The following GLB1 variants were observed in gnomAD, a reference collection of about 807,000 sequenced individuals.
The protein encoded by GLB1 is beta-galactosidase.
A neutral mutation model predicts 74.0 loss-of-function variants in GLB1; 56 were observed. That is an observed-to-expected ratio of 0.76 (90% CI 0.61 to 0.94). The LOEUF (loss-of-function observed/expected upper bound fraction) is 0.94, where lower values mean the gene tolerates loss of function less well. GLB1 is among the 40% of genes least tolerant of loss of function. The pLI is 0.00. For synonymous variants in GLB1, 323 were observed against 323.6 expected (o/e 1.00, Z 0.02); for missense variants, 787 against 845.5 (o/e 0.93, Z 0.86).
At chr3:33,055,278 G>A (rs1202800151) in intron 6 of GLB1, among the ~76,000 whole-genome samples, 1 of 152,094 alleles carries the variant, frequency 6.6e-6, no homozygotes, top group African/African-American at 2.4e-5. Flanking sequence ...TACAAATTAT[G>A]CTTAAAACAC....
At chr3:33,006,275 C>T (rs1696783948) in intron 15 of GLB1, among the ~76,000 whole-genome samples, 2 of 152,200 alleles carry the variant, frequency 1.3e-5, no homozygotes, top group African/African-American at 4.8e-5. Flanking sequence ...CCTGTCAGAT[C>T]GGCAGCAGCA....
intron 1 of GLB1, chr3:33,092,925 T>G (rs1268859715): frequency 6.2e-7 from 1 of 1,614,046 alleles, no homozygotes; most frequent in African/African-American, 1.3e-5. Context: ...TGGGCTGACA[T>G]ACACGAATGT....
At chr3:32,983,821 G>C in the GLB1 span, among the ~76,000 whole-genome samples, 2 of 152,004 alleles carry the variant, frequency 1.3e-5, no homozygotes, top group East Asian at 3.9e-4. Flanking sequence ...TGGGACTACA[G>C]ATGCACCACT....
downstream of GLB1, among the ~76,000 whole-genome samples, chr3:32,994,286 C>A (rs1341207888): frequency 6.6e-6 from 1 of 152,158 alleles, no homozygotes; most frequent in Non-Finnish European, 1.5e-5. Flanking sequence ...ATGGAACAAA[C>A]CTCACGGTAT....
At chr3:33,094,207 CTAG>C (rs1700905339) in intron 1 of GLB1, 1 of 1,583,008 alleles carries the variant, frequency 6.3e-7, no homozygotes, top group Non-Finnish European at 8.6e-7. Flanking sequence ...TTCTCTGCTC[CTAG>C]TAGGCTCCCC....
intron 11 of GLB1, among the ~76,000 whole-genome samples, chr3:33,022,917 G>GA (rs1559386556): frequency 1.3e-5 from 2 of 151,810 alleles, no homozygotes; most frequent in Admixed American, 6.6e-5. Context: ...CAGCATCAAG[G>GA]AAAAAAATCT....
At chr3:33,016,874 G>A in intron 13 of GLB1, 34 bp from the exon 14 acceptor site, 5 of 1,611,898 alleles carry the variant, frequency 3.1e-6, no homozygotes, top group Non-Finnish European at 4.2e-6. Context: ...CAATTGAATT[G>A]AGGGTAAGAA....
At chr3:32,985,104 C>CA in the GLB1 span, among the ~76,000 whole-genome samples, 9,758 of 61,556 alleles carry the variant, frequency 0.16, 796 homozygotes, top group African/African-American at 0.2. Context: ...AACTCTGTCT[C>CA]AAAAAAAAAA....
rs1559407941 is a variant in GLB1, at chr3:33,064,794, A to AAT, written c.552+668_552+669insAT. Among the ~76,000 whole-genome samples the AAT allele has an allele frequency of 1.3e-5, 2 of 151,432 alleles. 1 individual carries two copies. The highest frequency in any genetic ancestry group is 4.9e-5 in the African/African-American group (2 of 41,204). The stretch of plus-strand genomic sequence containing the variant: ...TCTCTCTCAAAAAAAAAAAAAAAAA[A>AAT]AAAAGAGCATCCATGGCATCCTTGG... On this transcript the variant is annotated intron_variant, in intron 5 of 15. Coordinates refer to ENST00000307363, the MANE Select transcript of GLB1 (RefSeq NM_000404.4).
chr3:32,973,308 A>G, the GLB1 span, among the ~76,000 whole-genome samples: 2 of 151,998 alleles, frequency 1.3e-5, no homozygotes, highest in East Asian at 1.9e-4. Context: ...GTGTGTGTGT[A>G]TATATATATT....
At chr3:32,972,727 T>C in the GLB1 span, among the ~76,000 whole-genome samples, 2 of 152,086 alleles carry the variant, frequency 1.3e-5, no homozygotes, top group Admixed American at 1.3e-4. Context: ...ACCTCTGTTA[T>C]AAAAAGCACC....
rs199960800 is a variant in GLB1, at chr3:33,000,733, C to A, written c.1735-3389G>T. Among the ~76,000 whole-genome samples, 6 of 150,966 alleles carry A rather than the reference C, an allele frequency of 4.0e-5. No individual in the cohort carries two copies. In the South Asian group the frequency reaches 1.0e-3, roughly 26 times the overall value. Reference sequence around the variant, plus strand: ...TAGAGCAAGACTCAGTTAAAAAAAACAACAACAAAACAAACAGAAAAAACC... The same window carrying A: ...TAGAGCAAGACTCAGTTAAAAAAAAAAACAACAAAACAAACAGAAAAAACC... On this transcript the variant is annotated intron_variant, in intron 15 of 15. Coordinates refer to ENST00000307363, the MANE Select transcript of GLB1 (RefSeq NM_000404.4).
At chr3:33,073,198 T>C (rs1699950265) in intron 1 of GLB1, among the ~76,000 whole-genome samples, 1 of 152,128 alleles carries the variant, frequency 6.6e-6, no homozygotes, top group African/African-American at 2.4e-5. Flanking sequence ...TGACGCCCCA[T>C]CCTAGATATT....
chr3:32,975,928 AC>A, the GLB1 span, among the ~76,000 whole-genome samples: 3 of 152,234 alleles, frequency 2.0e-5, no homozygotes, highest in Admixed American at 1.3e-4. Flanking sequence ...GGAGAGAGAA[AC>A]ATGGGTGTCA....
chr3:32,968,705 G>C, the GLB1 span, among the ~76,000 whole-genome samples: 1 of 152,182 alleles, frequency 6.6e-6, no homozygotes, highest in African/African-American at 2.4e-5. Flanking sequence ...AGGCCAACCA[G>C]GAGAAGGCTT....
Position 33,093,914 on chromosome 3 carries a change from G to T in GLB1, c.75+3097C>A, listed in dbSNP as rs1464414077. The T allele has an allele frequency of 1.2e-6, 2 of 1,614,040 alleles. No homozygotes were observed. Among genetic ancestry groups the T allele is most frequent in the Non-Finnish European group, 8.5e-7 (1 of 1,180,018 alleles). ...TGGTAAAGAAACTGGAATGGGCCAG[G>T]GCCAGAAATGCCAGAACCACCACCT... On this transcript the variant is annotated intron_variant, in intron 1 of 15. Coordinates refer to ENST00000307363, the MANE Select transcript of GLB1 (RefSeq NM_000404.4). This position sits in a 1 kb window ranked among gnomAD's most constrained non-coding sequence, Gnocchi z 6.0.
chr3:33,087,845 T>A (rs1184661847), intron 1 of GLB1, among the ~76,000 whole-genome samples: 1 of 149,124 alleles, frequency 6.7e-6, no homozygotes, highest in African/African-American at 2.5e-5. Context: ...TGAATATTGA[T>A]GCAAAAATCC....
At chr3:33,094,172 G>T (rs1700903532) in intron 1 of GLB1, 1 of 1,606,828 alleles carries the variant, frequency 6.2e-7, no homozygotes, top group South Asian at 1.1e-5. Flanking sequence ...TCGCGCCTAG[G>T]GACAGCTGCC....
intron 10 of GLB1, among the ~76,000 whole-genome samples, chr3:33,028,594 TA>T (rs1697872176): frequency 6.6e-6 from 1 of 152,134 alleles, no homozygotes. Context: ...GATATGAGTA[TA>T]AGACTCTTAA....
Sources: gnomAD v4.1 joint callset for allele counts (sites outside exome capture counted in the v4.1 genomes callset) on GRCh38, gnomAD v4.1.1 for gene constraint, Gnocchi (gnomAD v3.1) non-coding constraint, MANE v1.5 for transcripts, NCBI Gene and HGNC (gene_info 2026-07-23, HGNC 2026-07-21) for gene names.